The following GRIK1 variants were observed in gnomAD, a reference collection of about 807,000 sequenced individuals.
The protein encoded by GRIK1 is glutamate ionotropic receptor kainate type subunit 1, also known as glutamate receptor ionotropic, kainate 1.
Under a neutral mutation model 105.7 loss-of-function variants are expected in GRIK1, and 69 were observed. The observed-to-expected ratio is 0.65, with a 90% confidence interval of 0.54 to 0.80. GRIK1 has a LOEUF of 0.80. Among genes scored for constraint, GRIK1 ranks in the 30% least tolerant of loss-of-function variants. GRIK1 has a pLI of 0.00. For synonymous variants in GRIK1, 438 were observed against 431.3 expected (o/e 1.02, Z -0.19); for missense variants, 1,109 against 1,167.3 (o/e 0.95, Z 0.73).
chr21:29,806,161 T>C lies in GRIK1; in HGVS notation c.119-112098A>G, dbSNP rs182091962. 3.3e-5 allele frequency among the ~76,000 whole-genome samples: 5 copies of C among 152,292 alleles called. No individual in the cohort carries two copies. In the East Asian group the frequency reaches 9.6e-4, roughly 29 times the overall value. ...TGAATAGTATTTATGCTTATAAAATTATAATTCTGTTGCATCAAAATTTTA... is the reference window on the plus strand; with the variant it reads ...TGAATAGTATTTATGCTTATAAAATCATAATTCTGTTGCATCAAAATTTTA... On this transcript the variant is annotated intron_variant, in intron 1 of 17. Coordinates refer to ENST00000327783, the MANE Select transcript of GRIK1 (RefSeq NM_001330994.2).
intron 1 of GRIK1, among the ~76,000 whole-genome samples, chr21:29,823,739 A>T (rs2067369030): frequency 6.6e-6 from 1 of 151,904 alleles, no homozygotes; most frequent in Non-Finnish European, 1.5e-5. Flanking sequence ...CTGTACATTG[A>T]CCTATACTGT....
At chr21:29,643,848 A>G (rs2062563109) in intron 6 of GRIK1, among the ~76,000 whole-genome samples, 1 of 152,130 alleles carries the variant, frequency 6.6e-6, no homozygotes, top group African/African-American at 2.4e-5. Context: ...GAAGAGATAA[A>G]GCTATTTATT....
intron 4 of GRIK1, among the ~76,000 whole-genome samples, chr21:29,664,185 G>A (rs2063018421): frequency 6.6e-6 from 1 of 152,174 alleles, no homozygotes; most frequent in Admixed American, 6.6e-5. Context: ...ATTACATTAG[G>A]TGAGATCTCA....
At chr21:29,551,529 T>C (rs965285887) in intron 16 of GRIK1, among the ~76,000 whole-genome samples, 7 of 152,222 alleles carry the variant, frequency 4.6e-5, no homozygotes, top group African/African-American at 1.7e-4. Flanking sequence ...TGAATTTAAA[T>C]TGTTGAAAGG....
rs143996403 is a variant in GRIK1, at chr21:29,887,599, A to AT, written c.118+51783dup. On this transcript the variant is annotated intron_variant, in intron 1 of 17. Transcript: ENST00000327783. ...AGGTGTCTTGTACACATTTCAGGCA[A>AT]TTTTTTCTCATATAATAAGAAAGTC... Among the ~76,000 whole-genome samples, 1,210 of 152,128 alleles carry AT rather than the reference A, an allele frequency of 8.0e-3. 21 individuals carry two copies. Among genetic ancestry groups the AT allele is most frequent in the African/African-American group, 0.026 (1,070 of 41,494 alleles).
chr21:29,550,187 A>G (rs2090111114), intron 16 of GRIK1, among the ~76,000 whole-genome samples: 1 of 151,408 alleles, frequency 6.6e-6, no homozygotes, highest in Non-Finnish European at 1.5e-5. Flanking sequence ...GGGTACAGAG[A>G]GAGCAATAAA....
At chr21:29,772,365 C>T (rs191124812) in intron 1 of GRIK1, among the ~76,000 whole-genome samples, 14 of 152,282 alleles carry the variant, frequency 9.2e-5, no homozygotes, top group Admixed American at 3.3e-4. Context: ...TATTTGTCTA[C>T]AACAGCATCA....
intron 1 of GRIK1, among the ~76,000 whole-genome samples, chr21:29,754,178 C>T (rs2065276627): frequency 6.6e-6 from 1 of 152,184 alleles, no homozygotes; most frequent in Admixed American, 6.5e-5. Flanking sequence ...AGACAGATTA[C>T]AGCTGGAACA....
chr21:29,575,031 A>C (rs1163085234), intron 14 of GRIK1, among the ~76,000 whole-genome samples: 4 of 152,292 alleles, frequency 2.6e-5, no homozygotes, highest in Middle Eastern at 3.4e-3. Flanking sequence ...AAAAGTGTTT[A>C]AAAATCTTTT....
In GRIK1 at chr21:29,881,316, T is replaced by C. The variant is rs77042972; in HGVS notation, c.118+58067A>G. ...CAGTTGGGTATATATGTAATCATGC[T>C]TATTGAAGATTAACTTAACTGGATT... On this transcript the variant is annotated intron_variant, in intron 1 of 17. Transcript: ENST00000327783. 9.3e-3 allele frequency among the ~76,000 whole-genome samples: 1,412 copies of C among 152,214 alleles called. 24 individuals carry two copies. The highest frequency in any genetic ancestry group is 0.033 in the African/African-American group (1,364 of 41,534).
At chr21:29,705,010 A>G (rs1229746493) in intron 1 of GRIK1, among the ~76,000 whole-genome samples, 3 of 152,238 alleles carry the variant, frequency 2.0e-5, no homozygotes, top group African/African-American at 7.2e-5. Context: ...CATGCTGAAG[A>G]GCTCATGATT....
At chr21:29,828,347 A>C (rs1403955323) in intron 1 of GRIK1, among the ~76,000 whole-genome samples, 1 of 152,130 alleles carries the variant, frequency 6.6e-6, no homozygotes, top group African/African-American at 2.4e-5. Context: ...ATTTGGGTGT[A>C]GATAAGCCTA....
At chr21:29,564,757 C>T (rs1224897036) in intron 14 of GRIK1, among the ~76,000 whole-genome samples, 1 of 152,212 alleles carries the variant, frequency 6.6e-6, no homozygotes, top group Non-Finnish European at 1.5e-5. Context: ...GAGTATTCAA[C>T]AGTATGCAGG....
chr21:29,847,993 T>A (rs2832448), intron 1 of GRIK1, among the ~76,000 whole-genome samples: 53 of 151,868 alleles, frequency 3.5e-4, no homozygotes, highest in African/African-American at 1.3e-3. Context: ...TTACTTAGCC[T>A]TAATTAACTA....
intron 1 of GRIK1, among the ~76,000 whole-genome samples, chr21:29,745,926 AC>A (rs1238744215): frequency 6.6e-6 from 1 of 151,978 alleles, no homozygotes; most frequent in African/African-American, 2.4e-5. Flanking sequence ...ACACAGTGAA[AC>A]CCCTTCTCTA....
At chr21:29,921,186 C>A (rs1176728388) in intron 1 of GRIK1, among the ~76,000 whole-genome samples, 1 of 146,892 alleles carries the variant, frequency 6.8e-6, no homozygotes, top group Non-Finnish European at 1.5e-5. Context: ...TGTCCTCAGA[C>A]ATTGCCAAAT....
At chr21:29,835,886 A>G (rs1460858934) in intron 1 of GRIK1, among the ~76,000 whole-genome samples, 2 of 152,182 alleles carry the variant, frequency 1.3e-5, no homozygotes, top group Non-Finnish European at 2.9e-5. Flanking sequence ...GTCTGATTAG[A>G]TAATTCCGGC....
intron 1 of GRIK1, among the ~76,000 whole-genome samples, chr21:29,730,328 A>C (rs1413650856): frequency 6.6e-6 from 1 of 152,214 alleles, no homozygotes; most frequent in Non-Finnish European, 1.5e-5. Flanking sequence ...GTATTTTAGA[A>C]TATGCATGCA....
intron 1 of GRIK1, among the ~76,000 whole-genome samples, chr21:29,819,044 G>C (rs1159977821): frequency 6.6e-6 from 1 of 152,026 alleles, no homozygotes; most frequent in East Asian, 1.9e-4. Flanking sequence ...AGAAAAAGGT[G>C]GCCCCAGAGA....
Sources: allele counts gnomAD v4.1 joint callset (sites outside exome capture counted in the v4.1 genomes callset), GRCh38; gene constraint gnomAD v4.1.1; transcripts MANE v1.5; gene names NCBI Gene and HGNC (gene_info 2026-07-23, HGNC 2026-07-21).